Variants in KIF16B observed in about 807,000 individuals in gnomAD.
KIF16B encodes the protein kinesin-like protein KIF16B.
A neutral mutation model predicts 156.3 loss-of-function variants in KIF16B; 98 were observed. The ratio of observed to expected loss-of-function variants is 0.63; its 90% CI spans 0.53 to 0.74. KIF16B has a LOEUF of 0.74. Ranked by LOEUF, KIF16B falls within the 30% of genes least tolerant of loss-of-function variation. The probability of loss-of-function intolerance (pLI) is 0.00; values close to 1 mark genes in which losing one functional copy is unlikely to be tolerated. For synonymous variants in KIF16B, 564 were observed against 583.7 expected (o/e 0.97, Z 0.49); for missense variants, 1,421 against 1,606.5 (o/e 0.88, Z 1.97).
chr20:16,493,408 G>A (rs537341479), intron 12 of KIF16B, among the ~76,000 whole-genome samples: 2 of 152,316 alleles, frequency 1.3e-5, no homozygotes, highest in East Asian at 1.9e-4. Context: ...CAGTAATTAG[G>A]TGTGCCATTC....
At position 16,515,654 on chromosome 20, in the gene KIF16B, G is replaced by A. The variant is rs140237322; in HGVS notation, c.242C>T (p.Thr81Ile). 484 of 1,607,292 alleles carry A rather than the reference G, an allele frequency of 3.0e-4. 2 individuals carry two copies. The highest frequency in any genetic ancestry group is 2.6e-3 in the Middle Eastern group (16 of 6,042). Residue 81 changes from threonine to isoleucine, a missense_variant, in exon 4 of 26, where the codon ACC becomes ATC. Transcript: ENST00000354981. ...DYVSQEMVFK[T>I]LGTDVVKSAF... ...AGACTTCACGACATCTGTGCCGAGG[G>A]TTTTGAAAACCTGAAAGCCAAAAAG...
At chr20:16,429,043 A>G in intron 13 of KIF16B, 39 bp from the exon 14 acceptor site, 4 of 1,517,426 alleles carry the variant, frequency 2.6e-6, no homozygotes, top group Non-Finnish European at 3.7e-6. Context: ...TAGTAAGAAG[A>G]GAAGGAATAG....
chr20:16,384,460 T>A (rs902218405), intron 17 of KIF16B, among the ~76,000 whole-genome samples: 7 of 152,114 alleles, frequency 4.6e-5, no homozygotes, highest in African/African-American at 1.7e-4. Context: ...GCTTTGGGCT[T>A]GCTATAGGAG....
chr20:16,320,014 A>G (rs558228820), intron 24 of KIF16B, among the ~76,000 whole-genome samples: 48 of 152,160 alleles, frequency 3.2e-4, no homozygotes, highest in Non-Finnish European at 6.2e-4. Context: ...CCCTAGGACT[A>G]TAGAAGGCTT....
At chr20:16,539,877 G>A (rs901466196) in intron 1 of KIF16B, among the ~76,000 whole-genome samples, 2 of 152,126 alleles carry the variant, frequency 1.3e-5, no homozygotes, top group Non-Finnish European at 2.9e-5. Flanking sequence ...AGCTAGACTG[G>A]GTGATGTTGG....
intron 12 of KIF16B, among the ~76,000 whole-genome samples, chr20:16,477,951 G>A (rs935218797): frequency 2.0e-5 from 3 of 152,088 alleles, no homozygotes; most frequent in African/African-American, 7.2e-5. Context: ...ACCACAGCTG[G>A]GATGGCTCCA....
At chr20:16,530,344 T>C (rs1385868985) in intron 1 of KIF16B, among the ~76,000 whole-genome samples, 1 of 152,154 alleles carries the variant, frequency 6.6e-6, no homozygotes, top group East Asian at 1.9e-4. Flanking sequence ...ACCCAAGTGA[T>C]GGTCTGTCAC....
chr20:16,393,395 T>C (rs2065417340), intron 17 of KIF16B, among the ~76,000 whole-genome samples: 1 of 152,260 alleles, frequency 6.6e-6, no homozygotes, highest in Non-Finnish European at 1.5e-5. Context: ...CTGTGGTTCA[T>C]TTCAATTTAT....
At chr20:16,308,542 G>T (rs1366690081) in intron 25 of KIF16B, among the ~76,000 whole-genome samples, 11 of 152,210 alleles carry the variant, frequency 7.2e-5, no homozygotes, top group Admixed American at 7.2e-4. Flanking sequence ...ATGAACTGTG[G>T]CTTTGCCACT....
chr20:16,278,252 G>C (rs1305553486), intron 25 of KIF16B, among the ~76,000 whole-genome samples: 1 of 151,804 alleles, frequency 6.6e-6, no homozygotes, highest in Non-Finnish European at 1.5e-5. Context: ...GGGATGGAGG[G>C]GAAGACAAAA....
chr20:16,322,775 T>C (rs1035754716), intron 24 of KIF16B, among the ~76,000 whole-genome samples: 27 of 152,000 alleles, frequency 1.8e-4, no homozygotes, highest in Admixed American at 5.3e-4. Flanking sequence ...AGAAGACATG[T>C]AATGGAAAAA....
chr20:16,460,496 G>A (rs78612681), intron 12 of KIF16B, among the ~76,000 whole-genome samples: 5,329 of 152,082 alleles, frequency 0.035, 140 homozygotes, highest in East Asian at 0.12. Context: ...GCTTGAACCC[G>A]GGTTGCAGTG....
chr20:16,300,195 T>C (rs1017169288), intron 25 of KIF16B, among the ~76,000 whole-genome samples: 1 of 152,196 alleles, frequency 6.6e-6, no homozygotes, highest in Non-Finnish European at 1.5e-5. Flanking sequence ...CAATGATTGA[T>C]TCATATAGAC....
chr20:16,529,154 C>G (rs1461867550), intron 1 of KIF16B, among the ~76,000 whole-genome samples: 1 of 151,742 alleles, frequency 6.6e-6, no homozygotes, highest in African/African-American at 2.4e-5. Flanking sequence ...TTTTTTAAAA[C>G]CTATGTATTT....
chr20:16,511,506 T>TTCGTTATAAATTTCTAAGTAGCTAAAAG lies in KIF16B; in HGVS notation c.467_468insCTTTTAGCTACTTAGAAATTTATAACGA (p.Glu156AspfsTer3). 6.2e-7 allele frequency: 1 copy of TTCGTTATAAATTTCTAAGTAGCTAAAAG among 1,609,634 alleles called. No homozygotes were observed. The highest frequency in any genetic ancestry group is 8.5e-7 in the Non-Finnish European group (1 of 1,177,310). ...TCCGCCGAAGTAGATCTCTCACACG[T>TTCGTTATAAATTTCTAAGTAGCTAAAAG]TCGTTATAAATTTCTAAGTAGCTAA... On this transcript the variant is annotated stop_gained and frameshift_variant, in exon 6 of 26. Transcript: ENST00000354981. LOFTEE classifies it high-confidence loss of function.
At chr20:16,350,744 A>G (rs912741467) in intron 23 of KIF16B, among the ~76,000 whole-genome samples, 1 of 151,408 alleles carries the variant, frequency 6.6e-6, no homozygotes, top group Non-Finnish European at 1.5e-5. Context: ...GCGGGGGGGA[A>G]GTTTACAAAG....
At chr20:16,449,338 A>G (rs2067018322) in intron 12 of KIF16B, among the ~76,000 whole-genome samples, 1 of 152,222 alleles carries the variant, frequency 6.6e-6, no homozygotes, top group African/African-American at 2.4e-5. Context: ...AATGTTTACA[A>G]AAGAAAAAAA....
In KIF16B at chr20:16,380,107, C is replaced by A. The variant is rs144842801; in HGVS notation, c.1895G>T (p.Arg632Leu). 30 of 1,524,696 alleles carry A rather than the reference C, an allele frequency of 2.0e-5. No homozygotes were observed. The highest frequency in any genetic ancestry group is 4.2e-5 in the African/African-American group (3 of 71,726). The allele number at this position is 1,524,696 out of a possible 1,614,324, so 94.4% of individuals were successfully genotyped here. The stretch of plus-strand genomic sequence containing the variant: ...CTGGGTCTCCACCTCCTGCTGCATC[C>A]GCTCCAGTTCAGCCTTGTCTGATTT... ...KQKSDKAELE[R>L]MQQEVETQRK... The change falls in exon 19 of 26, where the codon CGG becomes CTG. Residue 632 changes from arginine to leucine, a missense_variant. Physicochemically the swap from Arg to Leu is moderately radical, Grantham distance 102. Coordinates refer to ENST00000354981, the MANE Select transcript of KIF16B (RefSeq NM_024704.5).
intron 1 of KIF16B, among the ~76,000 whole-genome samples, chr20:16,570,865 A>G: frequency 6.6e-6 from 1 of 152,184 alleles, no homozygotes; most frequent in Non-Finnish European, 1.5e-5. Flanking sequence ...CCAATGTCCA[A>G]TCCCTGGCTC....
Sources: gnomAD v4.1 joint callset for allele counts (sites outside exome capture counted in the v4.1 genomes callset) on GRCh38, gnomAD v4.1.1 for gene constraint, MANE v1.5 for transcripts, NCBI Gene and HGNC (gene_info 2026-07-23, HGNC 2026-07-21) for gene names.